IFI16: variants seen among roughly 807,000 people sequenced by gnomAD.
IFI16 encodes interferon gamma inducible protein 16, also known as gamma-interferon-inducible protein 16.
IFI16 carries 49 observed loss-of-function variants against 68.4 expected under a neutral mutation model. That is an observed-to-expected ratio of 0.72 (90% CI 0.57 to 0.91). The LOEUF (loss-of-function observed/expected upper bound fraction) is 0.91. Ranked by LOEUF, IFI16 falls within the 40% of genes least tolerant of loss-of-function variation. The pLI is 0.00. For missense variants in IFI16, 878 were observed against 942.9 expected (o/e 0.93, Z 0.90); for synonymous variants, 307 against 315.0 (o/e 0.97, Z 0.27).
chr1:159,053,402 C>A (rs1202127113), intron 10 of IFI16, 131 bp from the exon 11 acceptor site: 1 of 543,120 alleles, frequency 1.8e-6, no homozygotes, highest in South Asian at 2.8e-5. Flanking sequence ...CTATTTGGTA[C>A]CTGTTATTCA....
intron 6 of IFI16, 151 bp from the exon 7 acceptor site, chr1:159,032,373 C>T: frequency 2.3e-6 from 1 of 438,550 alleles, no homozygotes; most frequent in Non-Finnish European, 3.9e-6. Context: ...AATATTCTGA[C>T]AATTGCCTGG....
At chr1:159,034,501 T>C (rs892729834) in intron 7 of IFI16, among the ~76,000 whole-genome samples, 1 of 152,222 alleles carries the variant, frequency 6.6e-6, no homozygotes, top group Non-Finnish European at 1.5e-5. Flanking sequence ...CTTTCATCCT[T>C]TCACTTCGTT....
At chr1:159,027,029 G>C (rs146869904) in intron 6 of IFI16, among the ~76,000 whole-genome samples, 178 of 152,120 alleles carry the variant, frequency 1.2e-3, no homozygotes, top group African/African-American at 4.0e-3. Flanking sequence ...TATTTCTTTT[G>C]TCTGATTACC....
intron 4 of IFI16, among the ~76,000 whole-genome samples, chr1:159,017,307 A>AG (rs1244448202): frequency 1.3e-5 from 2 of 152,196 alleles, no homozygotes; most frequent in Non-Finnish European, 2.9e-5. Flanking sequence ...TGGCATTCTG[A>AG]GGGGTTTATC....
chr1:159,014,210 T>C (rs1652774443), intron 1 of IFI16, among the ~76,000 whole-genome samples: 1 of 152,158 alleles, frequency 6.6e-6, no homozygotes, highest in South Asian at 2.1e-4. Context: ...TGTAGCGCTG[T>C]AGCAGAAAGT....
chr1:159,042,402 T>C (rs1350794647), intron 7 of IFI16, among the ~76,000 whole-genome samples: 9 of 152,210 alleles, frequency 5.9e-5, no homozygotes, highest in Admixed American at 1.3e-4. Context: ...ACTATACCAA[T>C]GTGTTCATCC....
At chr1:159,029,882 A>T (rs1653898439) in intron 6 of IFI16, among the ~76,000 whole-genome samples, 1 of 151,956 alleles carries the variant, frequency 6.6e-6, no homozygotes, top group African/African-American at 2.4e-5. Flanking sequence ...GGGTTTCACT[A>T]TGTTGGCCAG....
At chr1:159,020,846 C>CGT (rs56977166) in intron 6 of IFI16, among the ~76,000 whole-genome samples, 88,252 of 148,778 alleles carry the variant, frequency 0.59, 30,401 homozygotes, top group Admixed American at 0.76. Flanking sequence ...TAGAAAACGT[C>CGT]GTGTGTGTGT....
At chr1:159,028,788 A>G (rs974725646) in intron 6 of IFI16, among the ~76,000 whole-genome samples, 1 of 85,060 alleles carries the variant, frequency 1.2e-5, no homozygotes, top group Non-Finnish European at 2.1e-5. Flanking sequence ...CTGTTGCTTT[A>G]AAGTTTGTTT....
intron 1 of IFI16, among the ~76,000 whole-genome samples, chr1:159,012,218 C>T (rs958954111): frequency 6.6e-6 from 1 of 152,038 alleles, no homozygotes; most frequent in Non-Finnish European, 1.5e-5. Flanking sequence ...TTTTGAGACT[C>T]TTCTATTTAA....
At chr1:159,038,916 G>A (rs1255798566) in intron 7 of IFI16, among the ~76,000 whole-genome samples, 5 of 152,156 alleles carry the variant, frequency 3.3e-5, no homozygotes, top group Admixed American at 2.6e-4. Flanking sequence ...AGCAAAGGGA[G>A]GATCAGTATG....
At chr1:159,018,707 T>C (rs1653103255) in intron 5 of IFI16, 56 bp downstream of exon 5, 1 of 1,237,408 alleles carries the variant, frequency 8.1e-7, no homozygotes, top group Non-Finnish European at 1.1e-6. Flanking sequence ...AAATTAAAAG[T>C]CTTGATGTGT....
upstream of IFI16, chr1:159,006,070 T>A (rs934168338): frequency 2.6e-5 from 4 of 152,372 alleles, no homozygotes; most frequent in African/African-American, 9.6e-5. Flanking sequence ...GATCTTTGAC[T>A]ACCAACCAGC....
At chr1:159,037,979 T>C (rs556637979) in intron 7 of IFI16, among the ~76,000 whole-genome samples, 2 of 152,374 alleles carry the variant, frequency 1.3e-5, no homozygotes, top group Non-Finnish European at 2.9e-5. Context: ...ATATTCGTCA[T>C]TGTATCTCCA....
chr1:159,015,787 A>C, intron 2 of IFI16, 85 bp from the exon 3 acceptor site: 1 of 990,364 alleles, frequency 1.0e-6, no homozygotes, highest in African/African-American at 1.6e-5. Flanking sequence ...AGCAAATTGT[A>C]TTGAAACTGC....
upstream of IFI16, among the ~76,000 whole-genome samples, chr1:159,003,188 A>G (rs938112955): frequency 6.6e-6 from 1 of 152,216 alleles, no homozygotes; most frequent in African/African-American, 2.4e-5. Context: ...GAAGTAAAAC[A>G]TGGTGTATTG....
chr1:159,033,113 T>C (rs1177980539), intron 7 of IFI16, among the ~76,000 whole-genome samples: 2 of 152,100 alleles, frequency 1.3e-5, no homozygotes, highest in Non-Finnish European at 2.9e-5. Flanking sequence ...TTTTGACACA[T>C]GGTGTTTTCT....
chr1:159,040,476 A>C (rs113762529), intron 7 of IFI16, among the ~76,000 whole-genome samples: 1 of 152,256 alleles, frequency 6.6e-6, no homozygotes, highest in South Asian at 2.1e-4. Context: ...ATAGCTACTC[A>C]TGCTACGAAG....
chr1:159,035,798 A>G (rs1435076330), intron 7 of IFI16, among the ~76,000 whole-genome samples: 1 of 152,034 alleles, frequency 6.6e-6, no homozygotes, highest in Non-Finnish European at 1.5e-5. Flanking sequence ...AGAAACATAA[A>G]TTGACATGAA....
Sources: allele counts gnomAD v4.1 joint callset (sites outside exome capture counted in the v4.1 genomes callset), GRCh38; gene constraint gnomAD v4.1.1; transcripts MANE v1.5; gene names NCBI Gene and HGNC (gene_info 2026-07-23, HGNC 2026-07-21).